Variants in FAM107B observed in about 807,000 individuals in gnomAD.
FAM107B encodes family with sequence similarity 107 member B, also known as protein FAM107B.
Under a neutral mutation model 31.5 loss-of-function variants are expected in FAM107B, and 21 were observed. The ratio of observed to expected loss-of-function variants is 0.67; its 90% CI spans 0.47 to 0.96. The LOEUF (loss-of-function observed/expected upper bound fraction) is 0.96, where lower values mean the gene tolerates loss of function less well. FAM107B is among the 40% of genes least tolerant of loss of function. The probability of loss-of-function intolerance (pLI) is 0.00; values close to 1 mark genes in which losing one functional copy is unlikely to be tolerated. For synonymous variants in FAM107B, 157 were observed against 141.5 expected (o/e 1.11, Z -0.78); for missense variants, 452 against 377.1 (o/e 1.20, Z -1.64).
At chr10:14,530,596 G>A (rs958965360) in intron 2 of FAM107B, 81 bp from the exon 3 acceptor site, 2 of 1,323,648 alleles carry the variant, frequency 1.5e-6, no homozygotes, top group Non-Finnish European at 1.1e-6. Flanking sequence ...ACAGAGCTGT[G>A]CTCAGTATGC....
At chr10:14,655,853 T>TCACAAA in intron 2 of FAM107B, among the ~76,000 whole-genome samples, 1 of 152,316 alleles carries the variant, frequency 6.6e-6, no homozygotes, top group East Asian at 1.9e-4. Flanking sequence ...CAGTATTTAT[T>TCACAAA]CACAAAGTCT....
At chr10:14,672,552 G>T (rs573103114) in intron 1 of FAM107B, among the ~76,000 whole-genome samples, 29 of 152,290 alleles carry the variant, frequency 1.9e-4, no homozygotes, top group African/African-American at 6.7e-4. Context: ...CATAGAAAAG[G>T]TACAGTAAAA....
chr10:14,715,931 T>C (rs1397047414), intron 1 of FAM107B, among the ~76,000 whole-genome samples: 1 of 152,212 alleles, frequency 6.6e-6, no homozygotes, highest in Non-Finnish European at 1.5e-5. Flanking sequence ...TTGTGGTATT[T>C]CTTGGCCTCC....
chr10:14,553,648 T>C (rs892951563), intron 2 of FAM107B, among the ~76,000 whole-genome samples: 4 of 152,188 alleles, frequency 2.6e-5, no homozygotes, highest in Non-Finnish European at 5.9e-5. Flanking sequence ...CCAAAACAGA[T>C]GAGGCAACAG....
intron 1 of FAM107B, among the ~76,000 whole-genome samples, chr10:14,756,816 A>T (rs997160737): frequency 1.3e-5 from 2 of 152,218 alleles, no homozygotes; most frequent in African/African-American, 4.8e-5. Flanking sequence ...TGCACCATGG[A>T]TTACTATGCA....
intron 1 of FAM107B, among the ~76,000 whole-genome samples, chr10:14,771,611 TAAC>T (rs1255051009): frequency 1.3e-5 from 2 of 151,654 alleles, no homozygotes; most frequent in Admixed American, 6.6e-5. Flanking sequence ...TCAATTAAAA[TAAC>T]AACAAATAAA....
rs554333392 is a variant in FAM107B, at chr10:14,669,851, T to C, written c.412-2160A>G. On this transcript the variant is annotated intron_variant, in intron 1 of 4. Coordinates refer to ENST00000181796, the MANE Select transcript of FAM107B (RefSeq NM_031453.4). ...ACAGCTAGATAGAAGCAATACATTC[T>C]AATGTTCATAGCAGAGCAAGGTGAC... Among the ~76,000 whole-genome samples the C allele has an allele frequency of 8.5e-5, 13 of 152,352 alleles. No homozygotes were observed. The South Asian group carries it at 2.7e-3, about 32-fold the overall frequency.
intron 1 of FAM107B, among the ~76,000 whole-genome samples, chr10:14,685,162 T>G (rs1854952706): frequency 8.2e-6 from 1 of 122,198 alleles, no homozygotes; most frequent in African/African-American, 3.3e-5. Context: ...TTTTTTTTTT[T>G]TTTTGAGACA....
intron 1 of FAM107B, among the ~76,000 whole-genome samples, chr10:14,668,810 C>A (rs763282510): frequency 2.0e-5 from 3 of 152,066 alleles, no homozygotes; most frequent in Non-Finnish European, 4.4e-5. Flanking sequence ...CCTAGCCTGG[C>A]AGGAAGGCTA....
chr10:14,547,276 A>G (rs977389360), intron 2 of FAM107B, among the ~76,000 whole-genome samples: 1 of 152,210 alleles, frequency 6.6e-6, no homozygotes, highest in East Asian at 1.9e-4. Context: ...GCAGAGTAGA[A>G]AGAACCTTAA....
Position 14,552,575 on chromosome 10 carries a change from G to A in FAM107B, c.470-22060C>T, listed in dbSNP as rs556878734. Among the ~76,000 whole-genome samples, 12 of 152,188 alleles carry A rather than the reference G, an allele frequency of 7.9e-5. No homozygotes were observed. In the South Asian group the frequency reaches 1.9e-3, roughly 24 times the overall value. ...ATTTTGGCCAGGCGTGGTAGCTCAC[G>A]CCTGTAATCCCAGCACTTTGGGAGG... On this transcript the variant is annotated intron_variant, in intron 2 of 4. Coordinates refer to ENST00000181796, the MANE Select transcript of FAM107B (RefSeq NM_031453.4).
chr10:14,696,808 A>G (rs1855276794), intron 1 of FAM107B, among the ~76,000 whole-genome samples: 1 of 152,192 alleles, frequency 6.6e-6, no homozygotes, highest in South Asian at 2.1e-4. Context: ...CTGACTTTGC[A>G]GAGAAGGGTG....
At chr10:14,772,430 A>C (rs1440979530) in intron 1 of FAM107B, among the ~76,000 whole-genome samples, 1 of 151,918 alleles carries the variant, frequency 6.6e-6, no homozygotes, top group Non-Finnish European at 1.5e-5. Context: ...TAAAGCACTT[A>C]GAATAAGGGC....
At chr10:14,705,889 T>C (rs1262339459) in intron 1 of FAM107B, among the ~76,000 whole-genome samples, 1 of 152,162 alleles carries the variant, frequency 6.6e-6, no homozygotes, top group Non-Finnish European at 1.5e-5. Context: ...AACTCTAACG[T>C]TAAGGCAACA....
At chr10:14,727,979 G>GTAACCCTA (rs1474942846) in intron 1 of FAM107B, among the ~76,000 whole-genome samples, 1 of 152,172 alleles carries the variant, frequency 6.6e-6, no homozygotes, top group East Asian at 1.9e-4. Flanking sequence ...CCAGTGATCA[G>GTAACCCTA]TAACCCTATC....
intron 2 of FAM107B, among the ~76,000 whole-genome samples, chr10:14,631,470 A>T (rs1275158155): frequency 6.6e-6 from 1 of 152,188 alleles, no homozygotes; most frequent in African/African-American, 2.4e-5. Flanking sequence ...ATCTATTTTT[A>T]GAGACAGATT....
chr10:14,656,701 T>C (rs1422373916), intron 2 of FAM107B, among the ~76,000 whole-genome samples: 1 of 152,242 alleles, frequency 6.6e-6, no homozygotes, highest in East Asian at 1.9e-4. Context: ...AAGAAATTTT[T>C]ACAAAGGGCC....
intron 2 of FAM107B, among the ~76,000 whole-genome samples, chr10:14,649,726 T>C (rs1259109727): frequency 6.6e-6 from 1 of 152,192 alleles, no homozygotes; most frequent in East Asian, 1.9e-4. Context: ...TTAAAGTGTA[T>C]AAAACCAAGC....
chr10:14,640,672 T>A (rs1853605393), intron 2 of FAM107B, among the ~76,000 whole-genome samples: 1 of 152,176 alleles, frequency 6.6e-6, no homozygotes, highest in Non-Finnish European at 1.5e-5. Context: ...CTAGTTAATA[T>A]CACAGAATTT....
Sources: gnomAD v4.1 joint callset for allele counts (sites outside exome capture counted in the v4.1 genomes callset) on GRCh38, gnomAD v4.1.1 for gene constraint, MANE v1.5 for transcripts, NCBI Gene and HGNC (gene_info 2026-07-23, HGNC 2026-07-21) for gene names.